The following AFF3 variants were observed in gnomAD, a reference collection of about 807,000 sequenced individuals.
AFF3 encodes ALF transcription elongation factor 3.
A neutral mutation model predicts 129.7 loss-of-function variants in AFF3; 32 were observed. That is an observed-to-expected ratio of 0.25 (90% CI 0.19 to 0.33). The LOEUF (loss-of-function observed/expected upper bound fraction) is 0.33, where lower values mean the gene tolerates loss of function less well. AFF3 is among the 10% of genes least tolerant of loss of function. AFF3 has a pLI of 1.00. For synonymous variants in AFF3, 644 were observed against 635.4 expected (o/e 1.01, Z -0.20); for missense variants, 1,373 against 1,592.0 (o/e 0.86, Z 2.34).
At chr2:99,950,880 A>G (rs1676094197) in intron 7 of AFF3, among the ~76,000 whole-genome samples, 1 of 152,234 alleles carries the variant, frequency 6.6e-6, no homozygotes, top group African/African-American at 2.4e-5. Flanking sequence ...GAAGTTGAAA[A>G]AAATTAAGAT....
At position 99,723,176 on chromosome 2, in the gene AFF3, A is replaced by G. The variant is rs1299101833; in HGVS notation, c.1091+3901T>C. Among the ~76,000 whole-genome samples the G allele has an allele frequency of 2.0e-5, 3 of 152,180 alleles. No individual in the cohort carries two copies. The East Asian group carries it at 5.8e-4, about 29-fold the overall frequency. On this transcript the variant is annotated intron_variant, in intron 11 of 24. Transcript: ENST00000672756. ...CTTTTGTGTGTGCACGCATGTTAAG[A>G]TTAAATCGCTCCTTTCATTGCCCTG...
intron 7 of AFF3, among the ~76,000 whole-genome samples, chr2:100,005,688 A>T (rs1417724325): frequency 6.6e-6 from 1 of 152,236 alleles, no homozygotes; most frequent in Admixed American, 6.5e-5. Context: ...CATCTCATAG[A>T]TTAAAAAAGA....
At chr2:99,983,081 G>A (rs1376610815) in intron 7 of AFF3, among the ~76,000 whole-genome samples, 1 of 152,192 alleles carries the variant, frequency 6.6e-6, no homozygotes, top group Non-Finnish European at 1.5e-5. Context: ...AACTATCCAG[G>A]TGTCTGTGGC....
intron 4 of AFF3, among the ~76,000 whole-genome samples, chr2:100,024,219 A>G (rs545313173): frequency 1.6e-5 from 2 of 122,870 alleles, no homozygotes; most frequent in Non-Finnish European, 3.3e-5. Context: ...GCGACAGAGC[A>G]AGACTCCGTC....
At chr2:99,696,453 T>A (rs1195894435) in intron 11 of AFF3, among the ~76,000 whole-genome samples, 2 of 152,158 alleles carry the variant, frequency 1.3e-5, no homozygotes, top group African/African-American at 4.8e-5. Flanking sequence ...AGGGTGTGCA[T>A]CGGCATCCTA....
intron 17 of AFF3, among the ~76,000 whole-genome samples, chr2:99,579,249 T>C (rs912641925): frequency 6.6e-6 from 1 of 150,394 alleles, no homozygotes; most frequent in Admixed American, 6.6e-5. Flanking sequence ...CTACTAAAAA[T>C]ACAAAATTAG....
chr2:99,837,610 C>CA lies in AFF3; in HGVS notation c.874-87_874-86insT, dbSNP rs5832886. ...ATGCAAGGTTCCAAATTAGTCCCCC[C>CA]CAACAAAAAAATTCAGCGAGTTACA... On this transcript the variant is annotated intron_variant, in intron 7 of 24. Transcript: ENST00000672756. The CA allele has an allele frequency of 4.0e-6, 5 of 1,264,338 alleles. No homozygotes were observed. The African/African-American group carries it at 4.5e-5, about 11-fold the overall frequency. The allele number at this position is 1,264,338 out of a possible 1,614,324, so 78.3% of individuals were successfully genotyped here. A position where few individuals can be genotyped will look rare whatever the true frequency, so the allele number is the denominator to read the frequency against.
intron 10 of AFF3, among the ~76,000 whole-genome samples, chr2:99,734,391 G>A (rs549318879): frequency 4.0e-5 from 6 of 151,164 alleles, no homozygotes; most frequent in African/African-American, 7.3e-5. Flanking sequence ...TTATTGCCTC[G>A]ACCAAGGATG....
intron 11 of AFF3, among the ~76,000 whole-genome samples, chr2:99,702,435 G>C (rs952667995): frequency 6.6e-6 from 1 of 152,120 alleles, no homozygotes; most frequent in African/African-American, 2.4e-5. Flanking sequence ...CGCCTCCCAG[G>C]TTCAAGTGAT....
intron 7 of AFF3, among the ~76,000 whole-genome samples, chr2:99,844,434 CT>C (rs984233053): frequency 1.2e-4 from 11 of 92,462 alleles, no homozygotes; most frequent in East Asian, 3.5e-4. Context: ...TTTTTCTTTT[CT>C]TTTTTTTTTT....
intron 8 of AFF3, among the ~76,000 whole-genome samples, chr2:99,816,326 A>G (rs1157852812): frequency 6.6e-6 from 1 of 152,210 alleles, no homozygotes; most frequent in Non-Finnish European, 1.5e-5. Flanking sequence ...GAGTTCTAAC[A>G]TCTGTGTCAA....
Position 99,582,314 on chromosome 2 carries a change from G to C in AFF3, c.2793+484C>G, listed in dbSNP as rs1186979837. ...AAGTCCCCTGCTCTTCCCCTGGGGC[G>C]TGCTGGAATCACCCGAGATCACTGG... On this transcript the variant is annotated intron_variant, in intron 17 of 24. Transcript: ENST00000672756. Among the ~76,000 whole-genome samples the C allele has an allele frequency of 2.6e-5, 4 of 152,180 alleles. No homozygotes were observed. In the East Asian group the frequency reaches 7.7e-4, roughly 29 times the overall value.
chr2:99,735,423 T>C (rs747257905), intron 10 of AFF3, among the ~76,000 whole-genome samples: 3 of 151,970 alleles, frequency 2.0e-5, no homozygotes, highest in Non-Finnish European at 4.4e-5. Flanking sequence ...TTGTTTTGGG[T>C]TTATTTTCTC....
chr2:99,806,015 A>C (rs940761430), intron 8 of AFF3, among the ~76,000 whole-genome samples: 1 of 152,244 alleles, frequency 6.6e-6, no homozygotes, highest in Admixed American at 6.5e-5. Context: ...CAAAATAAGA[A>C]ATGCAAATGC....
intron 7 of AFF3, among the ~76,000 whole-genome samples, chr2:99,981,822 C>A (rs1003051199): frequency 6.6e-6 from 1 of 152,148 alleles, no homozygotes; most frequent in Admixed American, 6.5e-5. Context: ...AAAATGCAAA[C>A]AAATAGGAAC....
intron 13 of AFF3, among the ~76,000 whole-genome samples, chr2:99,648,159 A>G (rs1684861068): frequency 6.6e-6 from 1 of 152,098 alleles, no homozygotes; most frequent in Admixed American, 6.5e-5. Flanking sequence ...AATATAATTT[A>G]CATTCCAAAA....
At chr2:99,632,985 C>T (rs1391598514) in intron 13 of AFF3, among the ~76,000 whole-genome samples, 1 of 152,152 alleles carries the variant, frequency 6.6e-6, no homozygotes, top group Non-Finnish European at 1.5e-5. Flanking sequence ...TCCTTTATCA[C>T]TCGTCAAGGC....
chr2:99,571,801 A>G (rs1203544177), intron 18 of AFF3, among the ~76,000 whole-genome samples: 1 of 152,184 alleles, frequency 6.6e-6, no homozygotes, highest in Non-Finnish European at 1.5e-5. Flanking sequence ...AGCAGGACCA[A>G]TGGGATGTCA....
At chr2:99,694,912 T>A (rs539383732) in intron 11 of AFF3, among the ~76,000 whole-genome samples, 16 of 152,178 alleles carry the variant, frequency 1.1e-4, no homozygotes, top group Admixed American at 2.6e-4. Flanking sequence ...ACTATGTTCG[T>A]CGGGCTAGTC....
Sources: allele counts gnomAD v4.1 joint callset (sites outside exome capture counted in the v4.1 genomes callset), GRCh38; gene constraint gnomAD v4.1.1; transcripts MANE v1.5; gene names NCBI Gene and HGNC (gene_info 2026-07-23, HGNC 2026-07-21).